The following TSC22D1 variants were observed in gnomAD, a reference collection of about 807,000 sequenced individuals.
TSC22D1 encodes the protein TSC22 domain family protein 1.
TSC22D1 carries 9 observed loss-of-function variants against 74.2 expected under a neutral mutation model. The observed-to-expected ratio is 0.12, with a 90% confidence interval of 0.07 to 0.21. The LOEUF (loss-of-function observed/expected upper bound fraction) is 0.21. Ranked by LOEUF, TSC22D1 falls within the 10% of genes least tolerant of loss-of-function variation. The pLI is 1.00. For missense variants in TSC22D1, 1,427 were observed against 1,304.7 expected (o/e 1.09, Z -1.44); for synonymous variants, 586 against 492.5 (o/e 1.19, Z -2.51).
At chr13:44,551,436 G>A (rs1236843781) in intron 1 of TSC22D1, among the ~76,000 whole-genome samples, 1 of 150,740 alleles carries the variant, frequency 6.6e-6, no homozygotes, top group Non-Finnish European at 1.5e-5. Flanking sequence ...GTGTGTGTCT[G>A]AGACAGAGTC....
chr13:44,538,197 C>A, intron 1 of TSC22D1: 1 of 985,256 alleles, frequency 1.0e-6, no homozygotes, highest in Non-Finnish European at 1.2e-6. Flanking sequence ...AAAAATACCT[C>A]AAGTTTAACA....
chr13:44,508,033 T>C (rs1230969893), intron 1 of TSC22D1, among the ~76,000 whole-genome samples: 1 of 152,184 alleles, frequency 6.6e-6, no homozygotes, highest in Admixed American at 6.5e-5. Flanking sequence ...CTCTCAAGTC[T>C]CATCCATACA....
intron 1 of TSC22D1, among the ~76,000 whole-genome samples, chr13:44,459,864 C>T (rs773376417): frequency 3.3e-5 from 5 of 152,214 alleles, no homozygotes; most frequent in African/African-American, 9.7e-5. Context: ...ACCCCAGGCT[C>T]GTTTCACACA....
At chr13:44,489,321 T>G (rs1878596415) in intron 1 of TSC22D1, among the ~76,000 whole-genome samples, 1 of 151,076 alleles carries the variant, frequency 6.6e-6, no homozygotes, top group South Asian at 2.1e-4. Flanking sequence ...TTAAACAGGA[T>G]ACAAAAACAT....
intron 1 of TSC22D1, among the ~76,000 whole-genome samples, chr13:44,534,290 G>A (rs763470660): frequency 6.8e-5 from 10 of 146,438 alleles, no homozygotes; most frequent in African/African-American, 1.5e-4. Flanking sequence ...AAACTGAGGC[G>A]AGAGGATCAC....
At chr13:44,530,010 T>C (rs923980053) in intron 1 of TSC22D1, among the ~76,000 whole-genome samples, 1 of 152,146 alleles carries the variant, frequency 6.6e-6, no homozygotes, top group Non-Finnish European at 1.5e-5. Flanking sequence ...ACTTGATCTT[T>C]AGATTCAGTG....
intron 1 of TSC22D1, among the ~76,000 whole-genome samples, chr13:44,566,292 G>A (rs145901971): frequency 1.6e-4 from 24 of 152,122 alleles, no homozygotes; most frequent in African/African-American, 5.8e-4. Context: ...TTACTGCTAT[G>A]TATGTAACCT....
intron 1 of TSC22D1, among the ~76,000 whole-genome samples, chr13:44,532,902 C>A (rs1880930669): frequency 6.6e-6 from 1 of 152,040 alleles, no homozygotes; most frequent in Non-Finnish European, 1.5e-5. Context: ...TGAAGGCTGT[C>A]ACATTTGAAA....
At chr13:44,436,298 C>G in intron 1 of TSC22D1, 1 of 905,956 alleles carries the variant, frequency 1.1e-6, no homozygotes, top group South Asian at 1.7e-5. Context: ...TAGTAAGCCA[C>G]AAAGGACTAA....
chr13:44,547,600 C>T (rs543636806), intron 1 of TSC22D1, among the ~76,000 whole-genome samples: 5 of 152,184 alleles, frequency 3.3e-5, no homozygotes, highest in Non-Finnish European at 4.4e-5. Context: ...CAAAAATTTT[C>T]GCAGGAAATA....
chr13:44,439,080 T>C (rs1300237549), intron 1 of TSC22D1, among the ~76,000 whole-genome samples: 1 of 152,234 alleles, frequency 6.6e-6, no homozygotes, highest in Non-Finnish European at 1.5e-5. Context: ...GCTGTTTTTA[T>C]TTCAATCATT....
intron 1 of TSC22D1, among the ~76,000 whole-genome samples, chr13:44,512,378 C>G (rs1879772948): frequency 6.6e-6 from 1 of 151,856 alleles, no homozygotes; most frequent in African/African-American, 2.4e-5. Flanking sequence ...ACCGTGTTAG[C>G]CAGGATGGTC....
intron 1 of TSC22D1, among the ~76,000 whole-genome samples, chr13:44,525,857 T>C (rs1012066450): frequency 1.3e-5 from 2 of 151,322 alleles, no homozygotes; most frequent in South Asian, 4.2e-4. Context: ...TCCCAGCATT[T>C]TGGGAGGCTA....
At chr13:44,566,045 T>C (rs1365780150) in intron 1 of TSC22D1, among the ~76,000 whole-genome samples, 1 of 152,212 alleles carries the variant, frequency 6.6e-6, no homozygotes, top group African/African-American at 2.4e-5. Flanking sequence ...GGCACACCAC[T>C]GTGATGACTT....
chr13:44,550,739 A>C (rs1229252604), intron 1 of TSC22D1, among the ~76,000 whole-genome samples: 1 of 151,996 alleles, frequency 6.6e-6, no homozygotes, highest in African/African-American at 2.4e-5. Context: ...CTTCAAAACC[A>C]ATCAGCCCAG....
intron 1 of TSC22D1, among the ~76,000 whole-genome samples, chr13:44,471,671 G>A (rs978185077): frequency 2.0e-4 from 31 of 152,266 alleles, no homozygotes; most frequent in African/African-American, 7.5e-4. Context: ...CAGAACCACT[G>A]GCAGTTTCAG....
intron 1 of TSC22D1, chr13:44,516,406 C>T (rs992309160): frequency 1.2e-5 from 5 of 409,974 alleles, no homozygotes; most frequent in South Asian, 6.1e-5. Context: ...ATAAAAGTTC[C>T]TGAAGACTTG....
intron 1 of TSC22D1, among the ~76,000 whole-genome samples, chr13:44,447,642 T>A (rs902799515): frequency 6.6e-6 from 1 of 152,016 alleles, no homozygotes; most frequent in African/African-American, 2.4e-5. Context: ...CACCTATATA[T>A]AACACATGTA....
chr13:44,569,754 T>C (rs533057355), intron 1 of TSC22D1, among the ~76,000 whole-genome samples: 1 of 152,336 alleles, frequency 6.6e-6, no homozygotes, highest in East Asian at 1.9e-4. Flanking sequence ...CTTTTCCATT[T>C]GTTGCATAAA....
Sources: allele counts gnomAD v4.1 joint callset (sites outside exome capture counted in the v4.1 genomes callset), GRCh38; gene constraint gnomAD v4.1.1; transcripts MANE v1.5; gene names NCBI Gene and HGNC (gene_info 2026-07-23, HGNC 2026-07-21).